C4A: variants seen among roughly 807,000 people sequenced by gnomAD.
C4A encodes complement C4-A.
C4A carries 12 observed loss-of-function variants against 45.7 expected under a neutral mutation model. The observed-to-expected ratio is 0.26, with a 90% CI of 0.17 to 0.43. C4A has a LOEUF of 0.43. Ranked by LOEUF, C4A falls within the 20% of genes least tolerant of loss-of-function variation. The pLI, the probability that C4A is intolerant of heterozygous loss-of-function variation, is 1.00. For synonymous variants in C4A, 66 were observed against 230.7 expected (o/e 0.29, Z 6.47); for missense variants, 127 against 534.4 (o/e 0.24, Z 7.52).
chr6:31,995,679 A>AG, intron 24 of C4A, 40 bp from the exon 25 acceptor site: 1 of 1,526,540 alleles, frequency 6.6e-7, no homozygotes, highest in Non-Finnish European at 8.9e-7. Flanking sequence ...AAACAGCAGA[A>AG]GGGTGAGTGT....
chr6:31,996,620 T>C lies in C4A; in HGVS notation c.3676+20T>C, dbSNP rs1554298390. 6.3e-7 allele frequency: 1 copy of C among 1,588,466 alleles called. No homozygotes were observed. The highest frequency in any genetic ancestry group is 8.6e-7 in the Non-Finnish European group (1 of 1,158,510). On this transcript the variant is annotated intron_variant, in intron 28 of 40. Coordinates refer to ENST00000428956, the MANE Select transcript of C4A (RefSeq NM_007293.3). ...CTGGAGGTGAGGGGTGAGGCGCTCC[T>C]GGCAGTGAGCCTGAGGCCCAGGGGA...
chr6:31,994,125 CCA>C, intron 19 of C4A, 118 bp from the exon 20 acceptor site: 1 of 563,734 alleles, frequency 1.8e-6, no homozygotes, highest in Non-Finnish European at 2.8e-6. Flanking sequence ...CTGGCGTGGG[CCA>C]GAGGGCAGAG....
intron 19 of C4A, 29 bp from the exon 20 acceptor site, chr6:31,994,215 GC>G: frequency 4.5e-6 from 5 of 1,114,836 alleles, no homozygotes; most frequent in Non-Finnish European, 6.2e-6. Context: ...TCTGATCTCT[GC>G]CCCTGTGCCC....
At chr6:31,996,150 G>C (rs749922095) in intron 26 of C4A, 39 bp downstream of exon 26, 1 of 1,586,514 alleles carries the variant, frequency 6.3e-7, no homozygotes, top group Non-Finnish European at 8.6e-7. Flanking sequence ...AGCGCCTGTC[G>C]GAGGACTCTC....
chr6:31,996,186 C>T (rs768953670), intron 26 of C4A, 21 bp from the exon 27 acceptor site: 3 of 1,579,796 alleles, frequency 1.9e-6, no homozygotes, highest in Non-Finnish European at 2.6e-6. Flanking sequence ...TCCTGTTTGA[C>T]ATCTTTTCTC....
rs544521700 is a variant in C4A, at chr6:31,996,136, G to A, written c.3387+25G>A. 61 of 1,587,108 alleles carry A rather than the reference G, an allele frequency of 3.8e-5. 7 individuals carry two copies. In the Middle Eastern group the frequency reaches 6.6e-4, roughly 17 times the overall value. ...GGTGCGGGCATGCTGGGGCTGGCCC[G>A]AGAAGCGCCTGTCGGAGGACTCTCT... On this transcript the variant is annotated intron_variant, in intron 26 of 40. Coordinates refer to ENST00000428956, the MANE Select transcript of C4A (RefSeq NM_007293.3).
Position 31,996,510 on chromosome 6 carries a change from A to G in C4A, c.3586A>G (p.Thr1196Ala). ...CCTGGGTGCCCACGCAGCTGCCATC[A>G]CGGCCTATGCCCTGACACTGACCAA... Reference protein sequence around the residue: ...GLLGAHAAAITAYALTLTKAP... With the variant: ...GLLGAHAAAIAAYALTLTKAP... Residue 1196 changes from threonine to alanine, a missense_variant, in exon 28 of 41, where the codon ACG (threonine) becomes GCG (alanine). Thr to Ala is a moderately conservative substitution (Grantham distance 58). Coordinates refer to ENST00000428956, the MANE Select transcript of C4A (RefSeq NM_007293.3). 1.9e-6 allele frequency: 3 copies of G among 1,587,924 alleles called. No homozygotes were observed. The highest frequency in any genetic ancestry group is 2.6e-6 in the Non-Finnish European group (3 of 1,157,652).
rs1774471565 is a variant in C4A at position 31,996,543 on chromosome 6, G to A, written c.3619G>A (p.Val1207Met). The change falls in exon 28 of 41, where the codon GTG becomes ATG. Residue 1207 changes from valine to methionine, a missense_variant. Transcript: ENST00000428956. ...AYALTLTKAP[V>M]DLLGVAHNNL... Reference sequence around the variant, plus strand: ...TGCCCTGACACTGACCAAGGCGCCTGTGGACCTGCTCGGTGTTGCCCACAA... The same window carrying A: ...TGCCCTGACACTGACCAAGGCGCCTATGGACCTGCTCGGTGTTGCCCACAA... 3.2e-6 allele frequency: 5 copies of A among 1,586,746 alleles called. 2 individuals are homozygous for A. Among genetic ancestry groups the A allele is most frequent in the Non-Finnish European group, 4.3e-6 (5 of 1,156,780 alleles).
chr6:31,997,154 T>C lies in C4A; in HGVS notation c.3920T>C (p.Ile1307Thr). ...GCTCAACCTCCCTAGGACACGGTGA[T>C]TGCCCTGGATGCCCTGTCTGCCTAC... is the stretch of plus-strand genomic sequence containing the variant. ...GGFRSTQDTVIALDALSAYWI... is the reference protein window; with the variant it reads ...GGFRSTQDTVTALDALSAYWI... The change falls in exon 30 of 41, where the codon ATT (isoleucine) becomes ACT (threonine). Residue 1307 changes from isoleucine (I) to threonine (T), a missense_variant. Coordinates refer to ENST00000428956, the MANE Select transcript of C4A (RefSeq NM_007293.3). 1.7e-6 allele frequency: 1 copy of C among 596,408 alleles called. No individual in the cohort carries two copies. The highest frequency in any genetic ancestry group is 2.5e-6 in the Non-Finnish European group (1 of 401,624). 36.9% of individuals were successfully genotyped at this position (596,408 alleles called of 1,614,324 possible).
At position 31,996,003 on chromosome 6, in the gene C4A, A is replaced by G. The variant is rs371801898; in HGVS notation, c.3279A>G (p.Val1093=). The change falls in exon 26 of 41, where the codon GTA becomes GTG. Residue 1093 remains valine, a synonymous_variant. Transcript: ENST00000428956. ...TCCTGAGTTTGGCCCAGGAGCAGGT[A>G]GGAGGCTCGCCTGAGAAACTGCAGG... The part of the protein sequence containing the change: ...LKVLSLAQEQ[V]GGSPEKLQET... 244 of 1,579,658 alleles carry G rather than the reference A, an allele frequency of 1.5e-4. 2 individuals are homozygous for G. The African/African-American group carries it at 2.9e-3, about 19-fold the overall frequency.
chr6:31,996,521 C>T lies in C4A; in HGVS notation c.3597C>T (p.Ala1199=). 1 of 1,587,200 alleles carries T rather than the reference C, an allele frequency of 6.3e-7. No homozygotes were observed. The highest frequency in any genetic ancestry group is 8.6e-7 in the Non-Finnish European group (1 of 1,157,052). The change falls in exon 28 of 41, where the codon GCC becomes GCT. Residue 1199 remains alanine, a synonymous_variant. Transcript: ENST00000428956. ...ACGCAGCTGCCATCACGGCCTATGCCCTGACACTGACCAAGGCGCCTGTGG... is the reference window on the plus strand; with the variant it reads ...ACGCAGCTGCCATCACGGCCTATGCTCTGACACTGACCAAGGCGCCTGTGG... ...GAHAAAITAY[A]LTLTKAPVDL... is the part of the protein sequence containing the mutation.
At position 31,996,589 on chromosome 6, in the gene C4A, A is replaced by G; in HGVS notation, c.3665A>G (p.Gln1222Arg). 2 of 1,588,980 alleles carry G rather than the reference A, an allele frequency of 1.3e-6. No individual in the cohort carries two copies. The highest frequency in any genetic ancestry group is 8.6e-7 in the Non-Finnish European group (1 of 1,158,630). ...CACAACAACCTCATGGCAATGGCCC[A>G]GGAGACTGGAGGTGAGGGGTGAGGC... Reference protein sequence around the residue: ...VAHNNLMAMAQETGDNLYWGS... With the variant: ...VAHNNLMAMARETGDNLYWGS... Residue 1222 changes from glutamine (Q) to arginine (R), a missense_variant, in exon 28 of 41, where the codon CAG (glutamine) becomes CGG (arginine). Gln to Arg is a conservative substitution (Grantham distance 43, BLOSUM62 1). Transcript: ENST00000428956.
rs1002089632 is a variant in C4A, at chr6:31,996,854, T to C, written c.3702T>C (p.Thr1234=). 1 of 1,025,894 alleles carries C rather than the reference T, an allele frequency of 9.7e-7. No homozygotes were observed. The highest frequency in any genetic ancestry group is 2.4e-5 in the African/African-American group (1 of 41,566). 63.5% of individuals were successfully genotyped at this position (1,025,894 alleles called of 1,614,324 possible). A position where few individuals can be genotyped will look rare whatever the true frequency, so the allele number is the denominator to read the frequency against. The change falls in exon 29 of 41, where the codon ACT becomes ACC. Residue 1234 remains threonine (T), a synonymous_variant. Coordinates refer to ENST00000428956, the MANE Select transcript of C4A (RefSeq NM_007293.3). ...TGDNLYWGSV[T]GSQSNAVSPT... ...ATAACCTGTACTGGGGCTCAGTCAC[T>C]GGTTCTCAGAGCAATGCCGTGTCGC...
chr6:31,996,030 G>A lies in C4A; in HGVS notation c.3306G>A (p.Glu1102=), dbSNP rs1318774576. 1 of 1,585,866 alleles carries A rather than the reference G, an allele frequency of 6.3e-7. No homozygotes were observed. Among genetic ancestry groups the A allele is most frequent in the Non-Finnish European group, 8.7e-7 (1 of 1,156,058 alleles). ...GAGGCTCGCCTGAGAAACTGCAGGA[G>A]ACATCTAACTGGCTTCTGTCCCAGC... ...QVGGSPEKLQ[E]TSNWLLSQQQ... is the part of the protein sequence containing the mutation. The change falls in exon 26 of 41, where the codon GAG becomes GAA. Residue 1102 remains glutamate (E), a synonymous_variant. Coordinates refer to ENST00000428956, the MANE Select transcript of C4A (RefSeq NM_007293.3).
chr6:31,996,504 G>A lies in C4A; in HGVS notation c.3580G>A (p.Ala1194Thr). ...TGGGCTCCTGGGTGCCCACGCAGCT[G>A]CCATCACGGCCTATGCCCTGACACT... ...SAGLLGAHAA[A>T]ITAYALTLTK... Residue 1194 changes from alanine to threonine, a missense_variant, in exon 28 of 41, where the codon GCC becomes ACC. Transcript: ENST00000428956. 2 of 1,588,360 alleles carry A rather than the reference G, an allele frequency of 1.3e-6. No homozygotes were observed. The highest frequency in any genetic ancestry group is 1.7e-6 in the Non-Finnish European group (2 of 1,157,970).
At position 31,996,012 on chromosome 6, in the gene C4A, G is replaced by A. The variant is rs572605375; in HGVS notation, c.3288G>A (p.Ser1096=). The part of the protein sequence containing the change: ...LSLAQEQVGG[S]PEKLQETSNW... The stretch of plus-strand genomic sequence containing the variant: ...TGGCCCAGGAGCAGGTAGGAGGCTC[G>A]CCTGAGAAACTGCAGGAGACATCTA... The change falls in exon 26 of 41, where the codon TCG becomes TCA. Residue 1096 remains serine, a synonymous_variant. Transcript: ENST00000428956. 47 of 1,581,348 alleles carry A rather than the reference G, an allele frequency of 3.0e-5. 4 individuals carry two copies. Among genetic ancestry groups the A allele is most frequent in the South Asian group, 2.5e-4 (23 of 90,454 alleles).
Position 31,996,957 on chromosome 6 carries a change from C to T in C4A, c.3805C>T (p.Leu1269=). ...ALWIETTAYA[L]LHLLLHEGKA... is the part of the protein sequence containing the mutation. The stretch of plus-strand genomic sequence containing the variant: ...GTGGATTGAAACCACAGCCTACGCC[C>T]TGCTGCACCTCCTGCTTCACGAGGG... The change falls in exon 29 of 41, where the codon CTG becomes TTG. Residue 1269 remains leucine, a synonymous_variant. Coordinates refer to ENST00000428956, the MANE Select transcript of C4A (RefSeq NM_007293.3). 1 of 776,374 alleles carries T rather than the reference C, an allele frequency of 1.3e-6. No individual in the cohort carries two copies. The highest frequency in any genetic ancestry group is 1.8e-6 in the Non-Finnish European group (1 of 541,270). The allele number at this position is 776,374 out of a possible 1,614,324, so 48.1% of individuals were successfully genotyped here.
rs752616693 is a variant in C4A, at chr6:31,996,135, C to G, written c.3387+24C>G. On this transcript the variant is annotated intron_variant, in intron 26 of 40. Coordinates refer to ENST00000428956, the MANE Select transcript of C4A (RefSeq NM_007293.3). ...AGGTGCGGGCATGCTGGGGCTGGCC[C>G]GAGAAGCGCCTGTCGGAGGACTCTC... 6.9e-6 allele frequency: 11 copies of G among 1,587,066 alleles called. 2 individuals carry two copies. Among genetic ancestry groups the G allele is most frequent in the Non-Finnish European group, 9.5e-6 (11 of 1,156,500 alleles).
At position 31,996,585 on chromosome 6, in the gene C4A, G is replaced by T. The variant is rs775131580; in HGVS notation, c.3661G>T (p.Ala1221Ser). 6 of 1,588,986 alleles carry T rather than the reference G, an allele frequency of 3.8e-6. No individual in the cohort carries two copies. ...TGCCCACAACAACCTCATGGCAATG[G>T]CCCAGGAGACTGGAGGTGAGGGGTG... Reference protein sequence around the residue: ...GVAHNNLMAMAQETGDNLYWG... With the variant: ...GVAHNNLMAMSQETGDNLYWG... The change falls in exon 28 of 41, where the codon GCC becomes TCC. Residue 1221 changes from alanine (A) to serine (S), a missense_variant. By Grantham distance (99) the Ala-to-Ser change is moderately conservative (BLOSUM62 1). Coordinates refer to ENST00000428956, the MANE Select transcript of C4A (RefSeq NM_007293.3).
Sources: gnomAD v4.1 joint callset for allele counts on GRCh38, gnomAD v4.1.1 for gene constraint, MANE v1.5 for transcripts, NCBI Gene and HGNC (gene_info 2026-07-23, HGNC 2026-07-21) for gene names.